Variants in IL1RAPL1 observed in about 807,000 individuals in gnomAD.
IL1RAPL1 encodes interleukin 1 receptor accessory protein like 1.
In IL1RAPL1, 3 loss-of-function variants were observed where a neutral mutation model predicts 48.4. That is an observed-to-expected ratio of 0.06 (90% confidence interval 0.03 to 0.16). IL1RAPL1 has a LOEUF of 0.16. Among genes scored for constraint, IL1RAPL1 ranks in the 10% least tolerant of loss-of-function variants. IL1RAPL1 has a pLI of 1.00. For missense variants in IL1RAPL1, 349 were observed against 530.6 expected, an observed-to-expected ratio of 0.66 and a Z score of 3.36; for synonymous variants, 185 against 187.7, an observed-to-expected ratio of 0.99 and a Z score of 0.12.
intron 8 of IL1RAPL1, among the ~76,000 whole-genome samples, chrX:29,930,611 T>G (rs2147245746): frequency 8.9e-6 from 1 of 111,995 alleles, no homozygotes; most frequent in East Asian, 2.8e-4. Flanking sequence ...TTTCAAATTC[T>G]TTACTAAAAG....
At chrX:28,705,746 C>T (rs974739692) in intron 1 of IL1RAPL1, among the ~76,000 whole-genome samples, 10 of 111,773 alleles carry the variant, frequency 8.9e-5, no homozygotes, top group African/African-American at 3.3e-4. Context: ...CGGTATTTAT[C>T]ACTGATGACT....
intron 5 of IL1RAPL1, among the ~76,000 whole-genome samples, chrX:29,579,493 G>T (rs6526893): frequency 0.44 from 48,732 of 110,109 alleles, 7,918 homozygotes; most frequent in South Asian, 0.54. Context: ...TAGCACGGAG[G>T]CTTACCTATA....
intron 1 of IL1RAPL1, among the ~76,000 whole-genome samples, chrX:28,595,694 T>A (rs941642305): frequency 8.9e-6 from 1 of 112,045 alleles, no homozygotes; most frequent in Non-Finnish European, 1.9e-5. Context: ...ATGGAAAAAC[T>A]GAGAGAGTTA....
chrX:29,658,989 T>C (rs1256908044), intron 5 of IL1RAPL1, among the ~76,000 whole-genome samples: 12 of 112,182 alleles, frequency 1.1e-4, no homozygotes, highest in African/African-American at 3.9e-4. Flanking sequence ...AATTGACACA[T>C]TCATTGCAAT....
At chrX:29,119,926 G>T (rs938136623) in intron 2 of IL1RAPL1, among the ~76,000 whole-genome samples, 3 of 111,610 alleles carry the variant, frequency 2.7e-5, no homozygotes, top group African/African-American at 9.8e-5. Context: ...TTTAATCAGA[G>T]CCTAACCTAC....
chrX:29,046,783 T>C lies in IL1RAPL1; in HGVS notation c.83-236155T>C, dbSNP rs144517253. ...ACAGCATCATTGATTTCGATTGTCC[T>C]AAAATGGAGGAAAACTTGCTGCTGG... On this transcript the variant is annotated intron_variant, in intron 2 of 10. Transcript: ENST00000378993. Among the ~76,000 whole-genome samples, 271 of 112,119 alleles carry C rather than the reference T, an allele frequency of 2.4e-3. 1 individual carries two copies. The highest frequency in any genetic ancestry group is 9.2e-3 in the Middle Eastern group (2 of 217).
chrX:29,650,917 A>T (rs1347772817), intron 5 of IL1RAPL1, among the ~76,000 whole-genome samples: 1 of 111,333 alleles, frequency 9.0e-6, no homozygotes, highest in East Asian at 2.8e-4. Flanking sequence ...AGGAATTCAA[A>T]CAACTCAATA....
intron 5 of IL1RAPL1, among the ~76,000 whole-genome samples, chrX:29,660,339 C>G (rs1373725131): frequency 8.9e-6 from 1 of 111,820 alleles, no homozygotes. Context: ...GCTTTGTAGC[C>G]TAATGTAATC....
At chrX:28,629,778 C>T (rs183100670) in intron 1 of IL1RAPL1, among the ~76,000 whole-genome samples, 16 of 111,565 alleles carry the variant, frequency 1.4e-4, no homozygotes, top group African/African-American at 5.2e-4. Context: ...TGGCCCATTA[C>T]AGAAACACTA....
At chrX:28,969,846 C>CACATATATATATGTTTCTAAACACAT (rs371636774) in intron 2 of IL1RAPL1, among the ~76,000 whole-genome samples, 1 of 61,244 alleles carries the variant, frequency 1.6e-5, no homozygotes, top group Non-Finnish European at 3.2e-5. Context: ...TGTTTCTAAA[C>CACATATATATATGTTTCTAAACACAT]ATATATGTTT....
At chrX:29,223,159 G>A (rs185740671) in intron 2 of IL1RAPL1, among the ~76,000 whole-genome samples, 1 of 111,281 alleles carries the variant, frequency 9.0e-6, no homozygotes, top group African/African-American at 3.3e-5. Context: ...AAAAAAAAAT[G>A]GTACATTCTC....
At chrX:28,994,783 CATT>C (rs1466331986) in intron 2 of IL1RAPL1, among the ~76,000 whole-genome samples, 1 of 111,570 alleles carries the variant, frequency 9.0e-6, no homozygotes, top group African/African-American at 3.3e-5. Flanking sequence ...ATTGCATTGA[CATT>C]ATTAAAAGAA....
chrX:29,197,812 G>A (rs181829687), intron 2 of IL1RAPL1, among the ~76,000 whole-genome samples: 13 of 107,292 alleles, frequency 1.2e-4, no homozygotes, highest in African/African-American at 3.4e-4. Flanking sequence ...TGGTTCAAGC[G>A]ATTCTCCTGC....
intron 5 of IL1RAPL1, among the ~76,000 whole-genome samples, chrX:29,587,471 T>C (rs1319952443): frequency 1.8e-5 from 2 of 110,838 alleles, no homozygotes; most frequent in Non-Finnish European, 3.8e-5. Flanking sequence ...TTGTATAACA[T>C]GGTGACTGTA....
intron 5 of IL1RAPL1, among the ~76,000 whole-genome samples, chrX:29,526,623 A>G (rs2147775697): frequency 8.9e-6 from 1 of 112,253 alleles, no homozygotes; most frequent in East Asian, 2.8e-4. Flanking sequence ...TAATAATGTT[A>G]AAATAGTTGG....
At chrX:29,246,585 T>G (rs1360476584) in intron 2 of IL1RAPL1, among the ~76,000 whole-genome samples, 1 of 111,640 alleles carries the variant, frequency 9.0e-6, no homozygotes, top group African/African-American at 3.3e-5. Flanking sequence ...ACTACAAATT[T>G]TCTGTGAAAA....
chrX:29,101,795 G>A (rs1278700719), intron 2 of IL1RAPL1, among the ~76,000 whole-genome samples: 1 of 111,026 alleles, frequency 9.0e-6, no homozygotes, highest in Non-Finnish European at 1.9e-5. Flanking sequence ...AAATGAGCTG[G>A]GTATGGTGGC....
At chrX:28,796,545 G>A (rs1030698180) in intron 2 of IL1RAPL1, among the ~76,000 whole-genome samples, 1 of 111,923 alleles carries the variant, frequency 8.9e-6, no homozygotes, top group Non-Finnish European at 1.9e-5. Context: ...AATCTAGCAG[G>A]GCAGTCAAAT....
Position 29,584,743 on chromosome X carries a change from T to C in IL1RAPL1, c.704-83687T>C, listed in dbSNP as rs1020211648. On this transcript the variant is annotated intron_variant, in intron 5 of 10. Transcript: ENST00000378993. The stretch of plus-strand genomic sequence containing the variant: ...TGGTATTTTTTATTTTTTGTTGAGA[T>C]GGGGTCTCACTATGTTGCCCGGTCT... 3.9e-4 allele frequency among the ~76,000 whole-genome samples: 44 copies of C among 111,456 alleles called. 1 individual carries two copies. The highest frequency in any genetic ancestry group is 1.2e-3 in the African/African-American group (37 of 30,610).
Sources: gnomAD v4.1 joint callset for allele counts (sites outside exome capture counted in the v4.1 genomes callset) on GRCh38, gnomAD v4.1.1 for gene constraint, MANE v1.5 for transcripts, NCBI Gene and HGNC (gene_info 2026-07-23, HGNC 2026-07-21) for gene names.